Variants in GRXCR2 observed in about 807,000 individuals in gnomAD.
GRXCR2 encodes the protein glutaredoxin domain-containing cysteine-rich protein 2.
In GRXCR2, 23 loss-of-function variants were observed where a neutral mutation model predicts 24.8. The observed-to-expected ratio is 0.93, with a 90% CI of 0.67 to 1.32. The LOEUF (loss-of-function observed/expected upper bound fraction) is 1.32, where lower values mean the gene tolerates loss of function less well. GRXCR2 is among the 40% of genes most tolerant of loss of function. The pLI is 0.00. For synonymous variants in GRXCR2, 130 were observed against 116.1 expected, an observed-to-expected ratio of 1.12 and a Z score of -0.77; for missense variants, 315 against 303.4, an observed-to-expected ratio of 1.04 and a Z score of -0.28.
chr5:145,887,629 G>A (rs1756796230), intron 2 of GRXCR2, among the ~76,000 whole-genome samples: 1 of 152,180 alleles, frequency 6.6e-6, no homozygotes, highest in Admixed American at 6.6e-5. Flanking sequence ...ATAATTATCT[G>A]TGCCTAGAAC....
At chr5:145,891,642 G>A (rs1252137088) in intron 2 of GRXCR2, among the ~76,000 whole-genome samples, 3 of 152,132 alleles carry the variant, frequency 2.0e-5, no homozygotes, top group Non-Finnish European at 2.9e-5. Flanking sequence ...CAGGAAGCTC[G>A]AACTCGGTGG....
rs534028047 is a variant in GRXCR2 at position 145,918,944 on chromosome 5, C to T, written c.-70+16757G>A. On this transcript the variant is annotated intron_variant, in intron 2 of 3. Coordinates refer to the GRXCR2 transcript ENST00000639411. ...TGCATGCCTAGTGCTGTGTGTGAGCCCCTCCCCAAATGCTGCATTGTATTT... is the reference window on the plus strand; with the variant it reads ...TGCATGCCTAGTGCTGTGTGTGAGCTCCTCCCCAAATGCTGCATTGTATTT... Among the ~76,000 whole-genome samples, 3 of 152,228 alleles carry T rather than the reference C, an allele frequency of 2.0e-5. No homozygotes were observed. The South Asian group carries it at 6.2e-4, about 32-fold the overall frequency.
chr5:145,875,808 C>G (rs2149913411), upstream of GRXCR2, among the ~76,000 whole-genome samples: 1 of 152,248 alleles, frequency 6.6e-6, no homozygotes, highest in East Asian at 1.9e-4. Context: ...GAACTCTCAG[C>G]CCTCATGGCA....
upstream of GRXCR2, among the ~76,000 whole-genome samples, chr5:145,877,272 C>CA (rs530837803): frequency 5.6e-5 from 8 of 142,958 alleles, no homozygotes; most frequent in East Asian, 1.2e-3. Context: ...AAAAGGTTAA[C>CA]AAAAAAAAGG....
chr5:145,901,177 G>GA (rs1027638979), intron 2 of GRXCR2, among the ~76,000 whole-genome samples: 1 of 151,708 alleles, frequency 6.6e-6, no homozygotes, highest in African/African-American at 2.4e-5. Flanking sequence ...GGCAAGAGTT[G>GA]AAAAAATAAC....
intron 1 of GRXCR2, among the ~76,000 whole-genome samples, chr5:145,871,242 A>G (rs532903309): frequency 2.6e-5 from 4 of 152,328 alleles, no homozygotes; most frequent in African/African-American, 9.6e-5. Flanking sequence ...GAAATAGTAT[A>G]AGTACAAGAC....
intron 1 of GRXCR2, among the ~76,000 whole-genome samples, chr5:145,869,207 T>C (rs1297174637): frequency 6.6e-6 from 1 of 152,240 alleles, no homozygotes; most frequent in Non-Finnish European, 1.5e-5. Context: ...TTGACAACTG[T>C]ATGAGGTTTG....
At chr5:145,920,942 G>A (rs1332855545) in intron 2 of GRXCR2, among the ~76,000 whole-genome samples, 2 of 152,228 alleles carry the variant, frequency 1.3e-5, no homozygotes, top group Non-Finnish European at 2.9e-5. Flanking sequence ...CCAGAGAGCA[G>A]GCCCTCACCA....
upstream of GRXCR2, among the ~76,000 whole-genome samples, chr5:145,875,337 T>G (rs1285551659): frequency 6.6e-6 from 1 of 152,020 alleles, no homozygotes; most frequent in African/African-American, 2.4e-5. Flanking sequence ...GATCACGAGG[T>G]CAAGAGATTA....
At chr5:145,879,229 A>G (rs1189005013) in intron 2 of GRXCR2, among the ~76,000 whole-genome samples, 1 of 152,200 alleles carries the variant, frequency 6.6e-6, no homozygotes, top group African/African-American at 2.4e-5. Context: ...AAATGCTCAA[A>G]TTAAAAGACA....
chr5:145,859,238 T>C lies in GRXCR2; in HGVS notation c.*495A>G, dbSNP rs1270550911. ...CATTTTGCTTGCTGTGGCCTGCTAG[T>C]GCGTTCAGCGTTGGCTGTCCGTTTC... On this transcript the variant is annotated 3_prime_UTR_variant, in exon 3 of 3. Coordinates refer to ENST00000377976, the MANE Select transcript of GRXCR2 (RefSeq NM_001080516.2). 1.9e-5 allele frequency: 3 copies of C among 158,260 alleles called. No homozygotes were observed. Among genetic ancestry groups the C allele is most frequent in the African/African-American group, 7.2e-5 (3 of 41,476 alleles). The allele number at this position is 158,260 out of a possible 1,614,324, so 9.8% of individuals were successfully genotyped here.
At chr5:145,879,722 T>A (rs537331658) in intron 2 of GRXCR2, among the ~76,000 whole-genome samples, 10 of 152,158 alleles carry the variant, frequency 6.6e-5, no homozygotes, top group Non-Finnish European at 2.9e-5. Flanking sequence ...TCTACAGAAC[T>A]CTCTACCCCA....
At position 145,859,466 on chromosome 5, in the gene GRXCR2, G is replaced by T. The variant is rs1289175379; in HGVS notation, c.*267C>A. 6.1e-6 allele frequency: 3 copies of T among 490,932 alleles called. No individual in the cohort carries two copies. Among genetic ancestry groups the T allele is most frequent in the African/African-American group, 5.9e-5 (3 of 50,522 alleles). The allele number at this position is 490,932 out of a possible 1,614,324, so 30.4% of individuals were successfully genotyped here. ...AAGAAAACTGAGCTAAGTCAAGTGA[G>T]ATACACTCACACCATCCTGGAAGGA... On this transcript the variant is annotated 3_prime_UTR_variant, in exon 3 of 3. Transcript: ENST00000377976.
intron 2 of GRXCR2, among the ~76,000 whole-genome samples, chr5:145,929,046 C>T (rs1428510153): frequency 6.6e-6 from 1 of 151,380 alleles, no homozygotes; most frequent in Non-Finnish European, 1.5e-5. Flanking sequence ...ATGCATTCTC[C>T]TAGTCTTTAT....
intron 2 of GRXCR2, among the ~76,000 whole-genome samples, chr5:145,864,619 GCTCT>G (rs948554735): frequency 6.6e-6 from 1 of 151,444 alleles, no homozygotes; most frequent in Non-Finnish European, 1.5e-5. Flanking sequence ...ACTTTCTCAA[GCTCT>G]CTCTCTCTCT....
At chr5:145,898,507 T>C (rs963087946) in intron 2 of GRXCR2, among the ~76,000 whole-genome samples, 1 of 152,224 alleles carries the variant, frequency 6.6e-6, no homozygotes, top group Non-Finnish European at 1.5e-5. Context: ...CCAATATCCC[T>C]GATGAATATA....
intron 2 of GRXCR2, among the ~76,000 whole-genome samples, chr5:145,899,664 A>G (rs1394534720): frequency 6.6e-6 from 1 of 152,128 alleles, no homozygotes; most frequent in African/African-American, 2.4e-5. Flanking sequence ...AACATGAAAA[A>G]GACTCCCTAT....
intron 2 of GRXCR2, among the ~76,000 whole-genome samples, chr5:145,861,793 T>C (rs1756343637): frequency 6.6e-6 from 1 of 152,178 alleles, no homozygotes; most frequent in African/African-American, 2.4e-5. Flanking sequence ...TCATTCAGCT[T>C]TCTTTTATAA....
intron 2 of GRXCR2, among the ~76,000 whole-genome samples, chr5:145,911,681 T>C (rs1049773348): frequency 8.5e-5 from 13 of 152,166 alleles, no homozygotes; most frequent in South Asian, 4.1e-4. Flanking sequence ...CATAGCCAGA[T>C]TACTTTTCCC....
Sources: gnomAD v4.1 joint callset for allele counts (sites outside exome capture counted in the v4.1 genomes callset) on GRCh38, gnomAD v4.1.1 for gene constraint, MANE v1.5 for transcripts, NCBI Gene and HGNC (gene_info 2026-07-23, HGNC 2026-07-21) for gene names.